Variants in CWC22 observed in about 807,000 individuals in gnomAD.
The protein encoded by CWC22 is pre-mRNA-splicing factor CWC22 homolog.
Under a neutral mutation model 117.2 loss-of-function variants are expected in CWC22, and 53 were observed. The observed-to-expected ratio is 0.45, with a 90% CI of 0.36 to 0.57. The LOEUF (loss-of-function observed/expected upper bound fraction) is 0.57, where lower values mean the gene tolerates loss of function less well. Ranked by LOEUF, CWC22 falls within the 20% of genes least tolerant of loss-of-function variation. CWC22 has a pLI of 0.00. For missense variants in CWC22, 980 were observed against 1,068.8 expected (o/e 0.92, Z 1.16); for synonymous variants, 360 against 355.6 (o/e 1.01, Z -0.14).
chr2:179,999,911 G>A (rs1426377306), intron 1 of CWC22, among the ~76,000 whole-genome samples: 1 of 152,092 alleles, frequency 6.6e-6, no homozygotes, highest in African/African-American at 2.4e-5. Flanking sequence ...TATTCTAAAT[G>A]CCAAAATATA....
chr2:179,990,489 T>C (rs1163384944), intron 2 of CWC22, among the ~76,000 whole-genome samples: 1 of 151,828 alleles, frequency 6.6e-6, no homozygotes, highest in Non-Finnish European at 1.5e-5. Context: ...AAGATTTCTA[T>C]GATTAAACAC....
At chr2:179,992,620 A>G (rs1687595593) in intron 2 of CWC22, among the ~76,000 whole-genome samples, 1 of 152,220 alleles carries the variant, frequency 6.6e-6, no homozygotes, top group Admixed American at 6.5e-5. Flanking sequence ...CAAGTTTATA[A>G]TTTATTTTAT....
Position 179,981,889 on chromosome 2 carries a change from C to CT in CWC22, c.314dup (p.Ser106GlufsTer7), listed in dbSNP as rs1251600698. On this transcript the variant is annotated frameshift_variant, in exon 5 of 20. Transcript: ENST00000410053. LOFTEE classifies it high-confidence loss of function. Reference sequence around the variant, plus strand: ...CAGGTTCATCCTGAGCAGAGGAACTCTGAGTTACTGATGTTTCTGGGTTTC... The same window carrying CT: ...CAGGTTCATCCTGAGCAGAGGAACTCTTGAGTTACTGATGTTTCTGGGTTTC... 1.2e-6 allele frequency: 2 copies of CT among 1,608,128 alleles called. No homozygotes were observed. Among genetic ancestry groups the CT allele is most frequent in the African/African-American group, 2.7e-5 (2 of 74,948 alleles).
chr2:179,952,446 A>G (rs2105508589), intron 17 of CWC22, 25 bp downstream of exon 17: 1 of 1,539,358 alleles, frequency 6.5e-7, no homozygotes, highest in East Asian at 2.4e-5. Flanking sequence ...CAATAAGAAT[A>G]AAAAGTGCTT....
chr2:179,964,731 T>C lies in CWC22; in HGVS notation c.1316-103A>G, dbSNP rs551973659. ...TCTTCAAAAATCTATTTAGAATCAA[T>C]ACAAATTTAATAATATTATCTTTTT... On this transcript the variant is annotated intron_variant, in intron 12 of 19. Transcript: ENST00000410053. 576 of 569,202 alleles carry C rather than the reference T, an allele frequency of 1.0e-3. 1 individual carries two copies. The highest frequency in any genetic ancestry group is 8.8e-3 in the African/African-American group (463 of 52,794). 35.3% of individuals were successfully genotyped at this position (569,202 alleles called of 1,614,324 possible).
chr2:179,985,691 G>A (rs1041768484), intron 4 of CWC22, among the ~76,000 whole-genome samples: 1 of 151,956 alleles, frequency 6.6e-6, no homozygotes, highest in African/African-American at 2.4e-5. Context: ...GACCACATTC[G>A]ATAACTTTTA....
intron 1 of CWC22, among the ~76,000 whole-genome samples, chr2:179,997,580 G>A (rs1231697910): frequency 6.6e-6 from 1 of 152,054 alleles, no homozygotes; most frequent in Non-Finnish European, 1.5e-5. Context: ...AACTTTACTC[G>A]ACTTACTTTT....
In CWC22 at chr2:179,945,344, G is replaced by A. The variant is rs1466897101; in HGVS notation, c.2512C>T (p.His838Tyr). 3 of 1,612,888 alleles carry A rather than the reference G, an allele frequency of 1.9e-6. No homozygotes were observed. The highest frequency in any genetic ancestry group is 1.7e-5 in the Admixed American group (1 of 59,852). Residue 838 changes from histidine to tyrosine, a missense_variant, in exon 20 of 20, where the codon CAC (histidine) becomes TAC (tyrosine). By Grantham distance (83) the His-to-Tyr change is moderately conservative. Transcript: ENST00000410053. ...AAATTTTCACTGTCTTTAATTCGGT[G>A]TGTATGCTTCTCATTTTCAGAAAAA... Reference protein sequence around the residue: ...NSFSENEKHTHRIKDSENFRR... With the variant: ...NSFSENEKHTYRIKDSENFRR...
chr2:179,952,180 ATAAAAT>A (rs1308866408), intron 17 of CWC22, among the ~76,000 whole-genome samples: 1 of 152,130 alleles, frequency 6.6e-6, no homozygotes, highest in Non-Finnish European at 1.5e-5. Context: ...TAAAAAGAAA[ATAAAAT>A]TATAAATATC....
intron 11 of CWC22, among the ~76,000 whole-genome samples, chr2:179,969,468 A>C (rs1386245838): frequency 6.6e-6 from 1 of 152,222 alleles, no homozygotes; most frequent in Non-Finnish European, 1.5e-5. Context: ...ACTTCTAAGC[A>C]CTACTGAACA....
chr2:179,993,101 A>C lies in CWC22; in HGVS notation c.27+214T>G, dbSNP rs1430925595. Among the ~76,000 whole-genome samples, 5 of 152,350 alleles carry C rather than the reference A, an allele frequency of 3.3e-5. No homozygotes were observed. In the South Asian group the frequency reaches 8.3e-4, roughly 25 times the overall value. On this transcript the variant is annotated intron_variant, in intron 2 of 19. Coordinates refer to ENST00000410053, the MANE Select transcript of CWC22 (RefSeq NM_020943.3). ...TACTTCCATATAGCTAAGTATCTAC[A>C]TTTAAAATTGTTTAAGTTAGATGGA...
At chr2:179,993,577 A>G (rs920910511) in intron 1 of CWC22, 123 bp from the exon 2 acceptor site, 11 of 467,534 alleles carry the variant, frequency 2.4e-5, no homozygotes, top group Non-Finnish European at 4.2e-5. Context: ...CAAATATAAT[A>G]AAAATTGTAA....
At chr2:179,987,145 G>A (rs1044568251) in intron 3 of CWC22, among the ~76,000 whole-genome samples, 7 of 152,170 alleles carry the variant, frequency 4.6e-5, no homozygotes, top group Non-Finnish European at 8.8e-5. Flanking sequence ...CTTTTGCTTA[G>A]TTGGCTTGTT....
At position 179,955,043 on chromosome 2, in the gene CWC22, GA is replaced by G. The variant is rs543228207; in HGVS notation, c.1459-10del. The G allele has an allele frequency of 4.2e-5, 65 of 1,561,388 alleles. No individual in the cohort carries two copies. The highest frequency in any genetic ancestry group is 4.8e-5 in the Non-Finnish European group (55 of 1,143,778). Reference sequence around the variant, plus strand: ...ATGTTGCAGAGTTCTTTCTATTTGGGAAAAAAAATACATTAATGATTCAAAA... The same window carrying G: ...ATGTTGCAGAGTTCTTTCTATTTGGGAAAAAAATACATTAATGATTCAAAA... On this transcript the variant is annotated splice_polypyrimidine_tract_variant and intron_variant, in intron 14 of 19. Transcript: ENST00000410053.
intron 1 of CWC22, among the ~76,000 whole-genome samples, chr2:179,996,009 T>G (rs183935705): frequency 7.0e-4 from 106 of 152,316 alleles, no homozygotes; most frequent in African/African-American, 2.5e-3. Context: ...CCAACACATG[T>G]ACAAGACAGA....
chr2:179,970,704 G>C lies in CWC22; in HGVS notation c.1093C>G (p.Gln365Glu). 6.2e-7 allele frequency: 1 copy of C among 1,613,714 alleles called. No individual in the cohort carries two copies. Among genetic ancestry groups the C allele is most frequent in the South Asian group, 1.1e-5 (1 of 91,072 alleles). ...EGLDLVEEDD[Q>E]FTHMLPLEDD... ...TCCAGAGGGAGCATATGAGTGAATT[G>C]ATCATCTTCTTCCACCAAATCAAGA... The change falls in exon 10 of 20, where the codon CAA becomes GAA. Residue 365 changes from glutamine (Q) to glutamate (E), a missense_variant. Gln to Glu is a conservative substitution (Grantham distance 29). Transcript: ENST00000410053.
chr2:179,984,852 T>C (rs755652622), intron 4 of CWC22, among the ~76,000 whole-genome samples: 1 of 152,086 alleles, frequency 6.6e-6, no homozygotes, highest in Non-Finnish European at 1.5e-5. Context: ...ACCACGTTGT[T>C]CAACAATAGT....
intron 1 of CWC22, among the ~76,000 whole-genome samples, chr2:179,999,814 AAAAACAAAAACC>A (rs1353148695): frequency 2.6e-5 from 4 of 152,358 alleles, no homozygotes; most frequent in East Asian, 1.9e-4. Flanking sequence ...TATTTAAAAC[AAAAACAAAAACC>A]AAAACAAAAA....
chr2:179,975,420 G>A (rs1327920455), intron 6 of CWC22, among the ~76,000 whole-genome samples: 1 of 152,092 alleles, frequency 6.6e-6, no homozygotes, highest in Non-Finnish European at 1.5e-5. Context: ...ATTCAACATA[G>A]TACTAGAAGT....
Sources: allele counts gnomAD v4.1 joint callset (sites outside exome capture counted in the v4.1 genomes callset), GRCh38; gene constraint gnomAD v4.1.1; transcripts MANE v1.5; gene names NCBI Gene and HGNC (gene_info 2026-07-23, HGNC 2026-07-21).